Variants in CHERP observed in about 807,000 individuals in gnomAD.
The protein encoded by CHERP is calcium homeostasis endoplasmic reticulum protein.
Under a neutral mutation model 113.8 loss-of-function variants are expected in CHERP, and 8 were observed. The observed-to-expected ratio is 0.07, with a 90% CI of 0.04 to 0.13. The LOEUF (loss-of-function observed/expected upper bound fraction) is 0.13. Ranked by LOEUF, CHERP falls within the 10% of genes least tolerant of loss-of-function variation. The pLI, the probability that CHERP is intolerant of heterozygous loss-of-function variation, is 1.00. For missense variants in CHERP, 884 were observed against 1,298.2 expected, an observed-to-expected ratio of 0.68 and a Z score of 4.90; for synonymous variants, 559 against 524.5, an observed-to-expected ratio of 1.07 and a Z score of -0.90.
chr19:16,532,937 G>GAT lies in CHERP; in HGVS notation c.522+72_522+73dup. 1.3e-6 allele frequency: 2 copies of GAT among 1,538,708 alleles called. No individual in the cohort carries two copies. The highest frequency in any genetic ancestry group is 1.8e-6 in the Non-Finnish European group (2 of 1,138,466). ...ACCCATTGTAACAGCCCTTAGCCCA[G>GAT]ATTGGCTACGACAGGCCCTGCCTCA... On this transcript the variant is annotated intron_variant, in intron 4 of 16. Coordinates refer to ENST00000546361, the MANE Select transcript of CHERP (RefSeq NM_006387.6). This position sits in a 1 kb window ranked among gnomAD's most constrained non-coding sequence, Gnocchi z 4.4.
chr19:16,536,867 T>C (rs1422778740), intron 2 of CHERP, among the ~76,000 whole-genome samples: 1 of 151,924 alleles, frequency 6.6e-6, no homozygotes, highest in Non-Finnish European at 1.5e-5. Flanking sequence ...AAAAAATTAG[T>C]CGGGCGTGGT....
chr19:16,534,965 A>T (rs1442558192), intron 3 of CHERP, among the ~76,000 whole-genome samples: 1 of 151,492 alleles, frequency 6.6e-6, no homozygotes, highest in Admixed American at 6.6e-5. Flanking sequence ...AATCTCAGCT[A>T]CTCCAGAGGC....
intron 2 of CHERP, among the ~76,000 whole-genome samples, chr19:16,537,486 T>C (rs575325140): frequency 9.9e-5 from 15 of 151,946 alleles, no homozygotes; most frequent in Admixed American, 4.6e-4. Flanking sequence ...AACCACCAAC[T>C]GCACGGCCCA....
chr19:16,520,101 C>T lies in CHERP; in HGVS notation c.2462+48G>A, dbSNP rs1484217756. On this transcript the variant is annotated intron_variant, in intron 15 of 16. Transcript: ENST00000546361. The surrounding 1 kb of genome is among the most constrained non-coding windows in gnomAD (Gnocchi z 4.0). Reference sequence around the variant, plus strand: ...ATGTTTCCACATTCACAGCAAAGCACCGCAGCTTCCCAGAGTTACCAGCGC... The same window carrying T: ...ATGTTTCCACATTCACAGCAAAGCATCGCAGCTTCCCAGAGTTACCAGCGC... The T allele has an allele frequency of 1.9e-6, 3 of 1,572,442 alleles. No homozygotes were observed. The highest frequency in any genetic ancestry group is 1.4e-5 in the African/African-American group (1 of 74,036).
chr19:16,534,670 T>C (rs1360701920), intron 3 of CHERP, among the ~76,000 whole-genome samples: 1 of 151,946 alleles, frequency 6.6e-6, no homozygotes, highest in East Asian at 1.9e-4. Context: ...GAGACAGGGT[T>C]TCATCATGTT....
chr19:16,531,478 G>A (rs1042587281), intron 5 of CHERP, among the ~76,000 whole-genome samples: 4 of 152,264 alleles, frequency 2.6e-5, no homozygotes, highest in Admixed American at 2.0e-4. Context: ...GGCCCCTGCC[G>A]CTGCGCAGGG....
At position 16,519,858 on chromosome 19, in the gene CHERP, GTTTATCC is replaced by G. The variant is rs1389232131; in HGVS notation, c.2463-150_2463-144del. On this transcript the variant is annotated intron_variant, in intron 15 of 16. Transcript: ENST00000546361. The surrounding 1 kb of genome is among the most constrained non-coding windows in gnomAD (Gnocchi z 6.0). ...GTATGCAGATTTTGCGTCTCTACCCGTTTATCCTGTCTCAGCTAGATAAGGGGGCTCC... is the reference window on the plus strand; with the variant it reads ...GTATGCAGATTTTGCGTCTCTACCCGTGTCTCAGCTAGATAAGGGGGCTCC... 5.2e-6 allele frequency: 4 copies of G among 774,638 alleles called. No homozygotes were observed. The Admixed American group carries it at 8.2e-5, about 16-fold the overall frequency. 48.0% of individuals were successfully genotyped at this position (774,638 alleles called of 1,614,324 possible). A position where few individuals can be genotyped will look rare whatever the true frequency, so the allele number is the denominator to read the frequency against.
chr19:16,538,832 A>G (rs1423770614), intron 2 of CHERP, among the ~76,000 whole-genome samples: 1 of 148,318 alleles, frequency 6.7e-6, no homozygotes, highest in Non-Finnish European at 1.5e-5. Flanking sequence ...CACCCAAGCC[A>G]AAGCACCGTC....
chr19:16,530,532 T>TG lies in CHERP; in HGVS notation c.876+52dup. 2 of 1,568,860 alleles carry TG rather than the reference T, an allele frequency of 1.3e-6. No homozygotes were observed. The highest frequency in any genetic ancestry group is 3.3e-5 in the Admixed American group (2 of 59,892). On this transcript the variant is annotated intron_variant, in intron 7 of 16. Transcript: ENST00000546361. The surrounding 1 kb of genome is among the most constrained non-coding windows in gnomAD (Gnocchi z 4.1). ...CTGTCCCCACACTCCCAAACCCTCC[T>TG]GGGGAACCCGCCCCAGCTCTAGGGT...
At chr19:16,529,998 G>GACCTGGGGC in intron 7 of CHERP, 98 bp from the exon 8 acceptor site, 2 of 1,465,978 alleles carry the variant, frequency 1.4e-6, no homozygotes, top group Non-Finnish European at 1.8e-6. Context: ...GAGCCTGGGG[G>GACCTGGGGC]ACCTGGGGCA....
At chr19:16,540,622 T>C (rs6512118) in intron 2 of CHERP, among the ~76,000 whole-genome samples, 139,606 of 151,634 alleles carry the variant, frequency 0.92, 64,365 homozygotes, top group African/African-American at 0.98. Context: ...ATCTGCCCGC[T>C]TCAGCCTCCC....
At position 16,521,673 on chromosome 19, in the gene CHERP, G is replaced by T; in HGVS notation, c.1981-19C>A. 1 of 1,555,588 alleles carries T rather than the reference G, an allele frequency of 6.4e-7. No homozygotes were observed. Among genetic ancestry groups the T allele is most frequent in the Non-Finnish European group, 8.7e-7 (1 of 1,146,768 alleles). ...CTTCCAGCTGCAGCAGAGAACCCCA[G>T]CTGTCACCATGCCTGGGCAGAGCCC... On this transcript the variant is annotated intron_variant, in intron 11 of 16. Coordinates refer to ENST00000546361, the MANE Select transcript of CHERP (RefSeq NM_006387.6).
rs1374163381 is a variant in CHERP, at chr19:16,533,465, C to T, written c.385-317G>A. On this transcript the variant is annotated intron_variant, in intron 3 of 16. Transcript: ENST00000546361. ...AAACAACCTCTGCAAACCAACTCAA[C>T]AAAAAACAAAGGCGGGGCGCGGTGG... Among the ~76,000 whole-genome samples, 3 of 152,150 alleles carry T rather than the reference C, an allele frequency of 2.0e-5. No homozygotes were observed. The East Asian group carries it at 5.8e-4, about 29-fold the overall frequency.
intron 10 of CHERP, among the ~76,000 whole-genome samples, chr19:16,524,958 G>T (rs978527340): frequency 6.6e-6 from 1 of 152,116 alleles, no homozygotes; most frequent in Non-Finnish European, 1.5e-5. Flanking sequence ...GCAGTAAAAA[G>T]AACGAGGCCC....
rs986937655 is a variant in CHERP at position 16,532,257 on chromosome 19, G to A, written c.674+341C>T. The A allele has an allele frequency of 6.2e-5, 16 of 256,338 alleles. No individual in the cohort carries two copies. The highest frequency in any genetic ancestry group is 1.1e-4 in the Non-Finnish European group (15 of 131,994). 15.9% of individuals were successfully genotyped at this position (256,338 alleles called of 1,614,324 possible). A position where few individuals can be genotyped will look rare whatever the true frequency, so the allele number is the denominator to read the frequency against. Reference sequence around the variant, plus strand: ...GACAGACACAGAGGCCAAGGAGGCCGTGGCTGAGAAGGCAACAAGGAGACG... The same window carrying A: ...GACAGACACAGAGGCCAAGGAGGCCATGGCTGAGAAGGCAACAAGGAGACG... On this transcript the variant is annotated intron_variant, in intron 5 of 16. Coordinates refer to ENST00000546361, the MANE Select transcript of CHERP (RefSeq NM_006387.6). This position sits in a 1 kb window ranked among gnomAD's most constrained non-coding sequence, Gnocchi z 4.4.
chr19:16,528,710 T>C (rs890408219), intron 8 of CHERP, among the ~76,000 whole-genome samples: 15 of 152,196 alleles, frequency 9.9e-5, no homozygotes, highest in Admixed American at 2.0e-4. Context: ...TCCCAGCACT[T>C]TGGGAGGCTG....
In CHERP at chr19:16,519,548, G is replaced by C; in HGVS notation, c.2557+73C>G. 2 of 1,406,118 alleles carry C rather than the reference G, an allele frequency of 1.4e-6. No individual in the cohort carries two copies. Among genetic ancestry groups the C allele is most frequent in the Admixed American group, 1.7e-5 (1 of 59,130 alleles). The allele number at this position is 1,406,118 out of a possible 1,614,324, so 87.1% of individuals were successfully genotyped here. A position where few individuals can be genotyped will look rare whatever the true frequency, so the allele number is the denominator to read the frequency against. On this transcript the variant is annotated intron_variant, in intron 16 of 16. Coordinates refer to ENST00000546361, the MANE Select transcript of CHERP (RefSeq NM_006387.6). The surrounding 1 kb of genome is among the most constrained non-coding windows in gnomAD (Gnocchi z 6.0). ...CCATCCCCACATGCACTGAGGAAGA[G>C]AAAGCGCTGGTGACTCCCGGGCCCA...
Position 16,519,357 on chromosome 19 carries a change from A to T in CHERP, c.2558-5T>A, listed in dbSNP as rs1203570459. ...GGCCGCCTGAGCCGCTCCAGCCTGG[A>T]AACAGAGACGCAGTCACAACCACAA... On this transcript the variant is annotated splice_polypyrimidine_tract_variant and splice_region_variant and intron_variant, in intron 16 of 16. Coordinates refer to ENST00000546361, the MANE Select transcript of CHERP (RefSeq NM_006387.6). The surrounding 1 kb of genome is among the most constrained non-coding windows in gnomAD (Gnocchi z 6.0). 3.1e-6 allele frequency: 5 copies of T among 1,609,036 alleles called. No homozygotes were observed. The highest frequency in any genetic ancestry group is 4.2e-6 in the Non-Finnish European group (5 of 1,178,732).
intron 9 of CHERP, 78 bp downstream of exon 9, chr19:16,528,002 C>T (rs1425588195): frequency 1.4e-6 from 2 of 1,421,738 alleles, no homozygotes; most frequent in African/African-American, 2.8e-5. Flanking sequence ...ACTCAACGCC[C>T]ACCAACTGGC....
Sources: allele counts gnomAD v4.1 joint callset (sites outside exome capture counted in the v4.1 genomes callset), GRCh38; gene constraint gnomAD v4.1.1; non-coding constraint Gnocchi (gnomAD v3.1); transcripts MANE v1.5; gene names NCBI Gene and HGNC (gene_info 2026-07-23, HGNC 2026-07-21).